PCDHGA3: variants seen among roughly 807,000 people sequenced by gnomAD.
PCDHGA3 encodes protocadherin gamma subfamily A, 3.
PCDHGA3 carries 40 observed loss-of-function variants against 58.5 expected under a neutral mutation model. The observed-to-expected ratio is 0.68, with a 90% confidence interval of 0.53 to 0.89. The LOEUF (loss-of-function observed/expected upper bound fraction) is 0.89, where lower values mean the gene tolerates loss of function less well. PCDHGA3 is among the 40% of genes least tolerant of loss of function. PCDHGA3 has a pLI of 0.00. For missense variants in PCDHGA3, 1,223 were observed against 1,195.9 expected (o/e 1.02, Z -0.33); for synonymous variants, 530 against 525.7 (o/e 1.01, Z -0.11).
intron 1 of PCDHGA3, among the ~76,000 whole-genome samples, chr5:141,460,646 C>T (rs1001365023): frequency 2.0e-5 from 3 of 151,954 alleles, no homozygotes; most frequent in African/African-American, 7.3e-5. Context: ...ACTGTGTTTA[C>T]ACATATGTAA....
Position 141,413,476 on chromosome 5 carries a change from G to T in PCDHGA3, c.2424+67019G>T, listed in dbSNP as rs566734719. 2.1e-5 allele frequency: 34 copies of T among 1,614,004 alleles called. No homozygotes were observed. The South Asian group carries it at 3.7e-4, about 18-fold the overall frequency. ...CAGGATAGACCGGGAGGAGCTCTGC[G>T]CTCAGAGCGCGCGGTGCGTGGTGAG... On this transcript the variant is annotated intron_variant, in intron 1 of 3. Coordinates refer to ENST00000253812, the MANE Select transcript of PCDHGA3 (RefSeq NM_018916.4).
intron 1 of PCDHGA3, chr5:141,415,455 G>T: frequency 6.2e-7 from 1 of 1,614,186 alleles, no homozygotes; most frequent in Non-Finnish European, 8.5e-7. Context: ...ATTCCCACGA[G>T]GTCTCTCTCA....
intron 1 of PCDHGA3, chr5:141,409,039 C>G: frequency 1.9e-6 from 3 of 1,614,004 alleles, no homozygotes; most frequent in Non-Finnish European, 1.7e-6. Flanking sequence ...AGATAAACTA[C>G]TACTTCCGAA....
At chr5:141,350,074 A>G (rs1177686169) in intron 1 of PCDHGA3, 3 of 430,176 alleles carry the variant, frequency 7.0e-6, no homozygotes, top group South Asian at 1.0e-4. Flanking sequence ...AGGCTTCTCA[A>G]TTCTGCAGGA....
At chr5:141,377,180 A>G (rs1032248697) in intron 1 of PCDHGA3, 4 of 152,210 alleles carry the variant, frequency 2.6e-5, no homozygotes, top group African/African-American at 9.7e-5. Flanking sequence ...TCTTCTTGGC[A>G]AACTATTTGT....
intron 1 of PCDHGA3, chr5:141,388,958 C>T (rs767426744): frequency 7.4e-6 from 12 of 1,613,930 alleles, no homozygotes; most frequent in East Asian, 2.2e-5. Context: ...TGGAGGACGC[C>T]GAGCTGGGAA....
intron 1 of PCDHGA3, among the ~76,000 whole-genome samples, chr5:141,434,902 C>T (rs1591355042): frequency 6.6e-6 from 1 of 151,934 alleles, no homozygotes; most frequent in East Asian, 1.9e-4. Flanking sequence ...CCCCTTCCCT[C>T]ATACCTTATT....
chr5:141,376,292 G>C (rs377013387), intron 1 of PCDHGA3: 30 of 1,614,038 alleles, frequency 1.9e-5, no homozygotes, highest in Middle Eastern at 3.3e-4. Flanking sequence ...GAGCATGCCC[G>C]GCTCGCACTT....
intron 1 of PCDHGA3, chr5:141,409,809 A>G: frequency 1.2e-6 from 2 of 1,611,542 alleles, no homozygotes; most frequent in Non-Finnish European, 1.7e-6. Context: ...CAGGCCCGCG[A>G]CCACGGCTCG....
chr5:141,507,522 C>G (rs560304194), intron 3 of PCDHGA3, among the ~76,000 whole-genome samples: 365 of 152,096 alleles, frequency 2.4e-3, no homozygotes, highest in African/African-American at 8.1e-3. Context: ...GCTATGATTC[C>G]AGAGAGGCCA....
intron 1 of PCDHGA3, among the ~76,000 whole-genome samples, chr5:141,347,795 A>C (rs1758021771): frequency 6.6e-6 from 1 of 152,106 alleles, no homozygotes; most frequent in South Asian, 2.1e-4. Flanking sequence ...TCAAAAAAAA[A>C]AAAAAAGTAG....
intron 1 of PCDHGA3, among the ~76,000 whole-genome samples, chr5:141,401,347 A>T (rs2094143126): frequency 6.6e-6 from 1 of 152,228 alleles, no homozygotes; most frequent in South Asian, 2.1e-4. Context: ...CATCTCAAAA[A>T]AAAGGAAGGA....
At chr5:141,389,445 G>A (rs749321526) in intron 1 of PCDHGA3, 7 of 1,610,526 alleles carry the variant, frequency 4.3e-6, no homozygotes, top group Non-Finnish European at 5.1e-6. Context: ...CTTCGACCAC[G>A]AGCAGCTGCG....
chr5:141,491,898 G>A lies in PCDHGA3; in HGVS notation c.2425-2909G>A, dbSNP rs772673872. 1.6e-5 allele frequency: 23 copies of A among 1,428,816 alleles called. No homozygotes were observed. The highest frequency in any genetic ancestry group is 3.0e-5 in the South Asian group (2 of 66,966). The allele number at this position is 1,428,816 out of a possible 1,614,324, so 88.5% of individuals were successfully genotyped here. A position where few individuals can be genotyped will look rare whatever the true frequency, so the allele number is the denominator to read the frequency against. ...ATTAAGGGATGGGGCTCCGAGCACC[G>A]GGGGTGGTGGCGACTGTGGGCGAGG... On this transcript the variant is annotated intron_variant, in intron 1 of 3. Coordinates refer to ENST00000253812, the MANE Select transcript of PCDHGA3 (RefSeq NM_018916.4). This position sits in a 1 kb window ranked among gnomAD's most constrained non-coding sequence, Gnocchi z 6.9.
Position 141,389,889 on chromosome 5 carries a change from G to A in PCDHGA3, c.2424+43432G>A. ...GGTCTTCGCCGACAGCTTGCAGGAG[G>A]TGCTGCCGGATATCACTGACCGCCC... On this transcript the variant is annotated intron_variant, in intron 1 of 3. Transcript: ENST00000253812. 1.9e-6 allele frequency: 3 copies of A among 1,614,086 alleles called. No homozygotes were observed. Among genetic ancestry groups the A allele is most frequent in the Admixed American group, 1.7e-5 (1 of 60,034 alleles).
Position 141,366,878 on chromosome 5 carries a change from AT to A in PCDHGA3, c.2424+20429del, listed in dbSNP as rs994289295. On this transcript the variant is annotated intron_variant, in intron 1 of 3. Coordinates refer to ENST00000253812, the MANE Select transcript of PCDHGA3 (RefSeq NM_018916.4). ...ACATTATTTGCTGTATTGGAGATTA[AT>A]TTTTTTTATATAATTCATGCTTTCT... 7.2e-5 allele frequency: 96 copies of A among 1,341,212 alleles called. No homozygotes were observed. In the Middle Eastern group the frequency reaches 7.6e-4, roughly 11 times the overall value. 83.1% of individuals were successfully genotyped at this position (1,341,212 alleles called of 1,614,324 possible).
chr5:141,372,219 G>C, intron 1 of PCDHGA3: 5 of 1,613,542 alleles, frequency 3.1e-6, no homozygotes, highest in Non-Finnish European at 4.2e-6. Flanking sequence ...CTACCACATT[G>C]TGCAGGCCAG....
chr5:141,419,877 C>G (rs1272137716), intron 1 of PCDHGA3: 24 of 1,614,062 alleles, frequency 1.5e-5, no homozygotes, highest in Non-Finnish European at 1.9e-5. Flanking sequence ...GAGGTACTGC[C>G]GGATTTCAGC....
rs747138327 is a variant in PCDHGA3, at chr5:141,346,387, G to A, written c.2354G>A (p.Cys785Tyr). 5.0e-5 allele frequency: 80 copies of A among 1,614,150 alleles called. No homozygotes were observed. Among genetic ancestry groups the A allele is most frequent in the Non-Finnish European group, 5.1e-5 (60 of 1,180,064 alleles). ...GACACGCTCATCAGCCAGGAGAGCT[G>A]TGAGAAAAGCGAGCCTCTTCTGATA... ...YADTLISQES[C>Y]EKSEPLLITQ... The change falls in exon 1 of 4, where the codon TGT becomes TAT. Residue 785 changes from cysteine to tyrosine, a missense_variant. By Grantham distance (194) the Cys-to-Tyr change is radical (BLOSUM62 -2). Around this residue, in one of 3 missense-constraint regions of PCDHGA3, gnomAD observed 325 missense variants for 327.5 expected, o/e 0.99. Coordinates refer to ENST00000253812, the MANE Select transcript of PCDHGA3 (RefSeq NM_018916.4).
Sources: allele counts gnomAD v4.1 joint callset (sites outside exome capture counted in the v4.1 genomes callset), GRCh38; gene constraint gnomAD v4.1.1; regional missense constraint gnomAD v4.1.1; non-coding constraint Gnocchi (gnomAD v3.1); transcripts MANE v1.5; gene names NCBI Gene and HGNC (gene_info 2026-07-23, HGNC 2026-07-21).